BCAR3: variants seen among roughly 807,000 people sequenced by gnomAD.
BCAR3 encodes breast cancer anti-estrogen resistance protein 3.
Under a neutral mutation model 80.1 loss-of-function variants are expected in BCAR3, and 37 were observed. That is an observed-to-expected ratio of 0.46 (90% CI 0.36 to 0.61). The LOEUF (loss-of-function observed/expected upper bound fraction) is 0.61. BCAR3 is among the 20% of genes least tolerant of loss of function. The pLI is 0.00. For synonymous variants in BCAR3, 389 were observed against 418.9 expected (o/e 0.93, Z 0.87); for missense variants, 978 against 1,068.2 (o/e 0.92, Z 1.18).
At chr1:93,741,018 C>T (rs1467376149) in intron 2 of BCAR3, among the ~76,000 whole-genome samples, 1 of 152,168 alleles carries the variant, frequency 6.6e-6, no homozygotes, top group African/African-American at 2.4e-5. Flanking sequence ...TGGCTTTTTG[C>T]CTGCTTGTCT....
intron 7 of BCAR3, among the ~76,000 whole-genome samples, chr1:93,577,855 C>A (rs1673518764): frequency 6.6e-6 from 1 of 152,068 alleles, no homozygotes; most frequent in East Asian, 1.9e-4. Flanking sequence ...TGGGCGGCGG[C>A]CCCTGCTCTC....
chr1:93,635,274 A>G (rs2101902408), intron 3 of BCAR3, among the ~76,000 whole-genome samples: 1 of 142,114 alleles, frequency 7.0e-6, no homozygotes, highest in East Asian at 1.9e-4. Flanking sequence ...ATAATATGCC[A>G]TTATATGGGT....
chr1:93,618,340 T>G (rs1185778989), intron 3 of BCAR3, among the ~76,000 whole-genome samples: 1 of 152,218 alleles, frequency 6.6e-6, no homozygotes, highest in Non-Finnish European at 1.5e-5. Context: ...TTTCCCCAGA[T>G]TCCTCAAGGG....
intron 2 of BCAR3, among the ~76,000 whole-genome samples, chr1:93,764,675 C>T (rs2747041): frequency 0.71 from 108,461 of 152,038 alleles, 39,654 homozygotes; most frequent in African/African-American, 0.87. Context: ...CCCCTCCTGC[C>T]TCTCTCCTCA....
chr1:93,702,979 A>G (rs1050111831), intron 3 of BCAR3, among the ~76,000 whole-genome samples: 2 of 152,246 alleles, frequency 1.3e-5, no homozygotes, highest in African/African-American at 4.8e-5. Context: ...CCCAGGGACC[A>G]GCAAAGAGAG....
intron 2 of BCAR3, among the ~76,000 whole-genome samples, chr1:93,842,245 A>G (rs140066684): frequency 6.3e-4 from 95 of 150,410 alleles, no homozygotes; most frequent in Non-Finnish European, 8.3e-4. Flanking sequence ...TCTGCCTCCC[A>G]GGTTCAAGCA....
chr1:93,804,586 T>A (rs1376429235), intron 2 of BCAR3, among the ~76,000 whole-genome samples: 1 of 152,156 alleles, frequency 6.6e-6, no homozygotes, highest in Non-Finnish European at 1.5e-5. Flanking sequence ...GACAAAGAAA[T>A]GATTCACATC....
intron 2 of BCAR3, among the ~76,000 whole-genome samples, chr1:93,748,424 TC>T (rs1333709611): frequency 1.3e-5 from 2 of 152,154 alleles, no homozygotes; most frequent in Non-Finnish European, 2.9e-5. Context: ...CATTTACCCA[TC>T]CCCAAGAACT....
At chr1:93,563,614 T>C (rs1672795220) in intron 11 of BCAR3, among the ~76,000 whole-genome samples, 1 of 152,254 alleles carries the variant, frequency 6.6e-6, no homozygotes, top group Admixed American at 6.5e-5. Flanking sequence ...CCAAAATGGC[T>C]GTATCATTTT....
chr1:93,576,556 T>C (rs1253832137), intron 7 of BCAR3, among the ~76,000 whole-genome samples: 1 of 152,226 alleles, frequency 6.6e-6, no homozygotes, highest in African/African-American at 2.4e-5. Context: ...GCCTCTCCGC[T>C]GTGGGCTTTG....
intron 8 of BCAR3, among the ~76,000 whole-genome samples, chr1:93,575,657 G>A (rs1673424498): frequency 6.6e-6 from 1 of 152,176 alleles, no homozygotes; most frequent in Non-Finnish European, 1.5e-5. Context: ...CTGGGCAGGA[G>A]ACCCAGGAGA....
At chr1:93,796,397 C>T (rs1023810536) in intron 2 of BCAR3, among the ~76,000 whole-genome samples, 8 of 145,596 alleles carry the variant, frequency 5.5e-5, no homozygotes, top group Admixed American at 6.8e-5. Context: ...GCGCAATATT[C>T]GGGTGGGAGT....
chr1:93,840,240 T>A (rs916594648), intron 2 of BCAR3, among the ~76,000 whole-genome samples: 17 of 152,172 alleles, frequency 1.1e-4, no homozygotes, highest in African/African-American at 4.1e-4. Flanking sequence ...GAGAAACTGC[T>A]GTAGTCCAGG....
At chr1:93,830,565 G>A (rs376494437) in intron 2 of BCAR3, among the ~76,000 whole-genome samples, 49 of 151,578 alleles carry the variant, frequency 3.2e-4, no homozygotes, top group African/African-American at 1.1e-3. Context: ...CTGCCTCCAA[G>A]AGAAAAACCC....
At chr1:93,739,577 T>A (rs541585508) in intron 2 of BCAR3, among the ~76,000 whole-genome samples, 1 of 152,254 alleles carries the variant, frequency 6.6e-6, no homozygotes, top group South Asian at 2.1e-4. Context: ...GCTGGAAGGA[T>A]CCCACAGCTG....
At chr1:93,690,885 TG>T (rs1445485740) in intron 3 of BCAR3, among the ~76,000 whole-genome samples, 1 of 152,206 alleles carries the variant, frequency 6.6e-6, no homozygotes, top group African/African-American at 2.4e-5. Context: ...CTGACATTAT[TG>T]GGTGCTTCAA....
In BCAR3 at chr1:93,790,543, G is replaced by C. The variant is rs947263189; in HGVS notation, c.-63+55024C>G. Reference sequence around the variant, plus strand: ...AGGTAGCTTTCCTATGAATCCAGTAGTGCACTAAATGGCAGTATAATTTAA... The same window carrying C: ...AGGTAGCTTTCCTATGAATCCAGTACTGCACTAAATGGCAGTATAATTTAA... On this transcript the variant is annotated intron_variant, in intron 2 of 13. Transcript: ENST00000370244. Among the ~76,000 whole-genome samples, 3 of 150,018 alleles carry C rather than the reference G, an allele frequency of 2.0e-5. No homozygotes were observed. The South Asian group carries it at 6.3e-4, about 31-fold the overall frequency.
At chr1:93,563,983 C>T (rs1386938129) in intron 11 of BCAR3, among the ~76,000 whole-genome samples, 6 of 152,094 alleles carry the variant, frequency 3.9e-5, no homozygotes, top group South Asian at 2.1e-4. Context: ...CATTAGCCAC[C>T]GTGCCTGGCC....
chr1:93,741,328 A>G (rs1651167288), intron 2 of BCAR3, among the ~76,000 whole-genome samples: 1 of 152,184 alleles, frequency 6.6e-6, no homozygotes, highest in Admixed American at 6.5e-5. Flanking sequence ...TTACAGTTCA[A>G]TATCAAGATC....
Sources: gnomAD v4.1 joint callset for allele counts (sites outside exome capture counted in the v4.1 genomes callset) on GRCh38, gnomAD v4.1.1 for gene constraint, MANE v1.5 for transcripts, NCBI Gene and HGNC (gene_info 2026-07-23, HGNC 2026-07-21) for gene names.